The following AJAP1 variants were observed in gnomAD, a reference collection of about 807,000 sequenced individuals.
AJAP1 encodes the protein adherens junctions associated protein 1.
A neutral mutation model predicts 35.0 loss-of-function variants in AJAP1; 5 were observed. The observed-to-expected ratio is 0.14, with a 90% CI of 0.07 to 0.30. The LOEUF is 0.30. Among genes scored for constraint, AJAP1 ranks in the 10% least tolerant of loss-of-function variants. AJAP1 has a pLI of 1.00. For missense variants in AJAP1, 586 were observed against 571.0 expected, an observed-to-expected ratio of 1.03 and a Z score of -0.27; for synonymous variants, 284 against 249.3, an observed-to-expected ratio of 1.14 and a Z score of -1.31.
intron 5 of AJAP1, among the ~76,000 whole-genome samples, chr1:4,781,031 G>A (rs1642051392): frequency 6.6e-6 from 1 of 152,156 alleles, no homozygotes; most frequent in Non-Finnish European, 1.5e-5. Context: ...GAAAGATCCA[G>A]CCCCTCACCT....
chr1:4,731,452 G>A (rs1396009938), intron 2 of AJAP1, among the ~76,000 whole-genome samples: 1 of 152,200 alleles, frequency 6.6e-6, no homozygotes, highest in Non-Finnish European at 1.5e-5. Flanking sequence ...TCACTGCCGG[G>A]CAGACCCAGG....
chr1:4,688,713 C>T (rs1002691662), intron 1 of AJAP1, among the ~76,000 whole-genome samples: 13 of 143,916 alleles, frequency 9.0e-5, no homozygotes, highest in African/African-American at 2.4e-4. Flanking sequence ...CAGAGGTTGC[C>T]GTGAGCTGAG....
At position 4,787,861 on chromosome 1, in the gene AJAP1, T is replaced by C. The variant is rs925098062; in HGVS notation, c.*5376T>C. 7.0e-6 allele frequency: 3 copies of C among 428,212 alleles called. No homozygotes were observed. The highest frequency in any genetic ancestry group is 6.1e-5 in the African/African-American group (3 of 49,442). The allele number at this position is 428,212 out of a possible 1,614,324, so 26.5% of individuals were successfully genotyped here. ...GCATCTCCAGAAGCTCCCCCAGCACTGAGCTCACTTAGTGGCATCCTTCTT... is the reference window on the plus strand; with the variant it reads ...GCATCTCCAGAAGCTCCCCCAGCACCGAGCTCACTTAGTGGCATCCTTCTT... On this transcript the variant is annotated 3_prime_UTR_variant, in exon 6 of 6. Transcript: ENST00000378191.
At chr1:4,715,878 T>G (rs905666492) in intron 2 of AJAP1, among the ~76,000 whole-genome samples, 1 of 151,526 alleles carries the variant, frequency 6.6e-6, no homozygotes, top group Admixed American at 6.6e-5. Context: ...GACTTGGGAG[T>G]TTTATCATCT....
chr1:4,694,538 G>T (rs935616476), intron 1 of AJAP1, among the ~76,000 whole-genome samples: 2 of 152,196 alleles, frequency 1.3e-5, no homozygotes, highest in Admixed American at 6.5e-5. Flanking sequence ...ATAAACTCCC[G>T]AGTGGTCCAG....
At chr1:4,703,151 C>A (rs976884847) in intron 1 of AJAP1, among the ~76,000 whole-genome samples, 1 of 152,134 alleles carries the variant, frequency 6.6e-6, no homozygotes, top group African/African-American at 2.4e-5. Context: ...AGGTAGAGCG[C>A]GGAGTGGCTC....
intron 2 of AJAP1, among the ~76,000 whole-genome samples, chr1:4,767,311 G>A (rs982636895): frequency 9.9e-5 from 15 of 150,786 alleles, no homozygotes; most frequent in East Asian, 4.0e-4. Context: ...CACTATCACC[G>A]TCATCACCAT....
At chr1:4,760,102 C>T (rs1323589665) in intron 2 of AJAP1, among the ~76,000 whole-genome samples, 5 of 152,294 alleles carry the variant, frequency 3.3e-5, no homozygotes, top group East Asian at 1.9e-4. Flanking sequence ...ATTTCCCTAA[C>T]GGCCACCAAG....
intron 2 of AJAP1, among the ~76,000 whole-genome samples, chr1:4,740,582 G>A (rs1407882025): frequency 1.3e-5 from 2 of 151,736 alleles, no homozygotes; most frequent in East Asian, 1.9e-4. Flanking sequence ...TCAGGAGATC[G>A]AGACCATCCT....
intron 2 of AJAP1, among the ~76,000 whole-genome samples, chr1:4,769,266 T>C (rs1337751902): frequency 2.6e-5 from 4 of 152,150 alleles, no homozygotes; most frequent in Non-Finnish European, 5.9e-5. Context: ...GCGAGGACTC[T>C]GGAAAGAGGA....
intron 2 of AJAP1, among the ~76,000 whole-genome samples, chr1:4,725,506 A>C (rs1168178494): frequency 6.6e-6 from 1 of 151,702 alleles, no homozygotes; most frequent in Non-Finnish European, 1.5e-5. Context: ...GTTCACACCC[A>C]CCTCCCCTTC....
At chr1:4,687,185 T>C (rs1373334358) in intron 1 of AJAP1, among the ~76,000 whole-genome samples, 1 of 152,204 alleles carries the variant, frequency 6.6e-6, no homozygotes, top group African/African-American at 2.4e-5. Context: ...TTAGAAATCA[T>C]GATCACAGCC....
chr1:4,708,716 G>A (rs1421474293), intron 1 of AJAP1, among the ~76,000 whole-genome samples: 1 of 152,202 alleles, frequency 6.6e-6, no homozygotes, highest in Admixed American at 6.5e-5. Context: ...AGCACACCAA[G>A]CTCAGCCGTC....
At chr1:4,741,536 C>CA (rs1641069118) in intron 2 of AJAP1, among the ~76,000 whole-genome samples, 1 of 152,170 alleles carries the variant, frequency 6.6e-6, no homozygotes, top group Non-Finnish European at 1.5e-5. Flanking sequence ...GTCCCTATTC[C>CA]AAAAAACATC....
At chr1:4,657,872 G>C (rs1638916691) in intron 1 of AJAP1, among the ~76,000 whole-genome samples, 1 of 151,994 alleles carries the variant, frequency 6.6e-6, no homozygotes, top group Non-Finnish European at 1.5e-5. Flanking sequence ...TTATTGAGCA[G>C]CTTTTGTGTC....
In AJAP1 at chr1:4,712,311, G is replaced by A. The variant is rs764376851; in HGVS notation, c.441G>A (p.Glu147=). 1.3e-6 allele frequency: 2 copies of A among 1,489,510 alleles called. No individual in the cohort carries two copies. The highest frequency in any genetic ancestry group is 2.4e-5 in the Admixed American group (1 of 41,752). 92.3% of individuals were successfully genotyped at this position (1,489,510 alleles called of 1,614,324 possible). Residue 147 remains glutamate (E), a synonymous_variant, in exon 2 of 6, where the codon GAG becomes GAA. Transcript: ENST00000378191. The stretch of plus-strand genomic sequence containing the variant: ...CCGCGGTGGCCGGTGGGGCCCCGGA[G>A]CAGCAGGCCCTCCTGAGGAGGGGCA... ...SSSAVAGGAP[E]QQALLRRGKR... is the part of the protein sequence containing the mutation.
chr1:4,710,331 GCACA>G (rs1557619655), intron 1 of AJAP1, among the ~76,000 whole-genome samples: 2 of 151,814 alleles, frequency 1.3e-5, no homozygotes, highest in Admixed American at 6.6e-5. Context: ...CCTCACTCAC[GCACA>G]GTCTCTCACA....
Position 4,693,453 on chromosome 1 carries a change from C to T in AJAP1, c.30-18447C>T, listed in dbSNP as rs1402331795. Among the ~76,000 whole-genome samples, 5 of 152,136 alleles carry T rather than the reference C, an allele frequency of 3.3e-5. No homozygotes were observed. Among genetic ancestry groups the T allele is most frequent in the African/African-American group, 9.7e-5 (4 of 41,430 alleles). On this transcript the variant is annotated intron_variant, in intron 1 of 5. Coordinates refer to ENST00000378191, the MANE Select transcript of AJAP1 (RefSeq NM_018836.4). This position sits in a 1 kb window ranked among gnomAD's most constrained non-coding sequence, Gnocchi z 4.4. Reference sequence around the variant, plus strand: ...GGGCTTCTGGGCTAAGACTGAGCGTCCAAGCCTTCCTTGGAGGCACCAGAG... The same window carrying T: ...GGGCTTCTGGGCTAAGACTGAGCGTTCAAGCCTTCCTTGGAGGCACCAGAG...
At chr1:4,728,644 G>A (rs1640726506) in intron 2 of AJAP1, among the ~76,000 whole-genome samples, 1 of 152,210 alleles carries the variant, frequency 6.6e-6, no homozygotes, top group African/African-American at 2.4e-5. Flanking sequence ...GGCAGAAAGA[G>A]CAGGACAGAC....
Sources: allele counts gnomAD v4.1 joint callset (sites outside exome capture counted in the v4.1 genomes callset), GRCh38; gene constraint gnomAD v4.1.1; non-coding constraint Gnocchi (gnomAD v3.1); transcripts MANE v1.5; gene names NCBI Gene and HGNC (gene_info 2026-07-23, HGNC 2026-07-21).